BLK: variants seen among roughly 807,000 people sequenced by gnomAD.
BLK encodes tyrosine-protein kinase Blk.
BLK carries 64 observed loss-of-function variants against 61.8 expected under a neutral mutation model. That is an observed-to-expected ratio of 1.03 (90% CI 0.85 to 1.27). BLK has a LOEUF of 1.27. BLK is among the 50% of genes most tolerant of loss of function. The probability of loss-of-function intolerance (pLI) is 0.00; values close to 1 mark genes in which losing one functional copy is unlikely to be tolerated. For missense variants in BLK, 853 were observed against 660.5 expected, an observed-to-expected ratio of 1.29 and a Z score of -3.19; for synonymous variants, 351 against 272.0, an observed-to-expected ratio of 1.29 and a Z score of -2.86.
At chr8:11,563,146 T>C (rs765946467) in intron 12 of BLK, 36 bp downstream of exon 12, 1 of 1,612,652 alleles carries the variant, frequency 6.2e-7, no homozygotes, top group South Asian at 1.1e-5. Flanking sequence ...GGCTCCCTGC[T>C]TTCCCGGCCG....
intron 11 of BLK, among the ~76,000 whole-genome samples, chr8:11,562,234 A>T (rs1043484264): frequency 6.6e-6 from 1 of 152,188 alleles, no homozygotes; most frequent in Non-Finnish European, 1.5e-5. Flanking sequence ...GTGTCCACGG[A>T]GCACTGTTTT....
intron 1 of BLK, among the ~76,000 whole-genome samples, chr8:11,529,201 T>C (rs1004401986): frequency 1.9e-4 from 29 of 152,138 alleles, no homozygotes; most frequent in Non-Finnish European, 3.8e-4. Flanking sequence ...ACAAAGCCAA[T>C]TTATCAAGAC....
chr8:11,501,214 T>C (rs899365435), intron 1 of BLK, among the ~76,000 whole-genome samples: 5 of 152,176 alleles, frequency 3.3e-5, no homozygotes, highest in African/African-American at 1.2e-4. Context: ...AATTAAATGA[T>C]ACTTTTAATT....
chr8:11,526,956 A>G (rs1799679629), intron 1 of BLK, among the ~76,000 whole-genome samples: 1 of 152,224 alleles, frequency 6.6e-6, no homozygotes, highest in Admixed American at 6.5e-5. Context: ...TCAAGGTTTT[A>G]TGAAGCCTCT....
intron 1 of BLK, among the ~76,000 whole-genome samples, chr8:11,505,193 C>A (rs1455532298): frequency 6.6e-6 from 1 of 152,182 alleles, no homozygotes; most frequent in Non-Finnish European, 1.5e-5. Context: ...CAAAACTGAA[C>A]AAATAAATTC....
intron 1 of BLK, among the ~76,000 whole-genome samples, chr8:11,525,538 C>G (rs1398132488): frequency 6.6e-6 from 1 of 152,116 alleles, no homozygotes. Flanking sequence ...TTTGCCAGTT[C>G]AGATCTCTTT....
rs1418870298 is a variant in BLK at position 11,561,371 on chromosome 8, C to G, written c.1099C>G (p.Leu367Val). 1.2e-6 allele frequency: 2 copies of G among 1,614,044 alleles called. No homozygotes were observed. The highest frequency in any genetic ancestry group is 1.3e-5 in the African/African-American group (1 of 74,932). Residue 367 changes from leucine (L) to valine (V), a missense_variant, in exon 11 of 13, where the codon CTG becomes GTG. By Grantham distance (32) the Leu-to-Val change is conservative (BLOSUM62 1). Transcript: ENST00000259089. ...IHRDLRAANI[L>V]VSEALCCKIA... is the part of the protein sequence containing the mutation. The stretch of plus-strand genomic sequence containing the variant: ...CCGCGACCTGCGGGCGGCCAACATC[C>G]TGGTGTCTGAGGCCTTGTGCTGCAA...
chr8:11,521,974 A>G (rs551807413), intron 1 of BLK, among the ~76,000 whole-genome samples: 5 of 152,352 alleles, frequency 3.3e-5, no homozygotes, highest in Admixed American at 1.3e-4. Flanking sequence ...CCTTTGGAAT[A>G]TAGATTGGAA....
Position 11,526,544 on chromosome 8 carries a change from C to T in BLK, c.-1-16680C>T, listed in dbSNP as rs1177960136. Among the ~76,000 whole-genome samples, 8 of 152,224 alleles carry T rather than the reference C, an allele frequency of 5.3e-5. No individual in the cohort carries two copies. In the South Asian group the frequency reaches 1.0e-3, roughly 20 times the overall value. On this transcript the variant is annotated intron_variant, in intron 1 of 12. Transcript: ENST00000259089. ...GACCAGCCTGGGCAAAATGATGAAA[C>T]CCCATCTCTAATACAAATACAAAAA...
In BLK at chr8:11,532,229, C is replaced by T. The variant is rs563907918; in HGVS notation, c.-1-10995C>T. Among the ~76,000 whole-genome samples, 9 of 95,432 alleles carry T rather than the reference C, an allele frequency of 9.4e-5. No individual in the cohort carries two copies. The South Asian group carries it at 1.2e-3, about 13-fold the overall frequency. 62.6% of individuals were successfully genotyped at this position (95,432 alleles called of 152,430 possible). On this transcript the variant is annotated intron_variant, in intron 1 of 12. Transcript: ENST00000259089. ...TATTTATTTATTTGAGACAAAATCT[C>T]GCTCTGTTGCCCAGGCTAGAGTGCA...
intron 1 of BLK, among the ~76,000 whole-genome samples, chr8:11,522,859 C>CA (rs1348932687): frequency 6.6e-6 from 1 of 151,974 alleles, no homozygotes; most frequent in Non-Finnish European, 1.5e-5. Flanking sequence ...CGTAAATGTC[C>CA]AAAATCATAC....
chr8:11,504,323 A>C (rs1313564862), intron 1 of BLK, among the ~76,000 whole-genome samples: 1 of 146,632 alleles, frequency 6.8e-6, no homozygotes, highest in East Asian at 1.9e-4. Context: ...ATTCCATCTC[A>C]AAATAAAGAA....
At position 11,548,184 on chromosome 8, in the gene BLK, C is replaced by T. The variant is rs1800735173; in HGVS notation, c.269+59C>T. The stretch of plus-strand genomic sequence containing the variant: ...AGGACCCCCCTCCCCCACATCTCTC[C>T]TTTCTCCACCCACCACATCCTCCAT... On this transcript the variant is annotated intron_variant, in intron 4 of 12. Coordinates refer to ENST00000259089, the MANE Select transcript of BLK (RefSeq NM_001715.3). 7.1e-6 allele frequency: 10 copies of T among 1,405,620 alleles called. No homozygotes were observed. The East Asian group carries it at 1.6e-4, about 23-fold the overall frequency. The allele number at this position is 1,405,620 out of a possible 1,614,324, so 87.1% of individuals were successfully genotyped here.
intron 10 of BLK, chr8:11,559,730 A>G (rs918684047): frequency 6.6e-6 from 3 of 455,894 alleles, no homozygotes; most frequent in African/African-American, 6.0e-5. Context: ...CCCATGCCCC[A>G]TGCCTCGCCA....
chr8:11,562,384 G>C (rs905403757), intron 11 of BLK, among the ~76,000 whole-genome samples: 1 of 152,126 alleles, frequency 6.6e-6, no homozygotes, highest in Non-Finnish European at 1.5e-5. Context: ...TTGTTCTCTC[G>C]GGAACTTCAG....
intron 1 of BLK, among the ~76,000 whole-genome samples, chr8:11,504,880 C>T (rs995251801): frequency 2.6e-5 from 4 of 152,194 alleles, no homozygotes; most frequent in Admixed American, 1.3e-4. Context: ...AAAATGAGGA[C>T]ATCTCTGTGG....
At chr8:11,547,059 G>C (rs982696841) in intron 3 of BLK, among the ~76,000 whole-genome samples, 1 of 152,242 alleles carries the variant, frequency 6.6e-6, no homozygotes. Context: ...GCCTCGGCCA[G>C]CCGGGCCCCA....
rs1264627307 is a variant in BLK, at chr8:11,557,991, G to A, written c.982G>A (p.Glu328Lys). The A allele has an allele frequency of 6.2e-7, 1 of 1,614,074 alleles. No individual in the cohort carries two copies. Among genetic ancestry groups the A allele is most frequent in the Non-Finnish European group, 8.5e-7 (1 of 1,179,962 alleles). Residue 328 changes from glutamate to lysine, a missense_variant, in exon 10 of 13, where the codon GAA becomes AAA. By Grantham distance (56) the Glu-to-Lys change is moderately conservative. Transcript: ENST00000259089. The part of the protein sequence containing the change: ...GCLLDFLKTD[E>K]GSRLSLPRLI... ...CCTGCTGGATTTCCTGAAGACAGATGAAGGGAGCAGATTGTCACTCCCAAG... is the reference window on the plus strand; with the variant it reads ...CCTGCTGGATTTCCTGAAGACAGATAAAGGGAGCAGATTGTCACTCCCAAG...
chr8:11,498,694 T>A (rs1369678188), intron 1 of BLK, among the ~76,000 whole-genome samples: 1 of 152,208 alleles, frequency 6.6e-6, no homozygotes, highest in Non-Finnish European at 1.5e-5. Flanking sequence ...CTTCCTGAGA[T>A]GATAATAGTT....
Sources: gnomAD v4.1 joint callset for allele counts (sites outside exome capture counted in the v4.1 genomes callset) on GRCh38, gnomAD v4.1.1 for gene constraint, MANE v1.5 for transcripts, NCBI Gene and HGNC (gene_info 2026-07-23, HGNC 2026-07-21) for gene names.